PPP2R2C: variants seen among roughly 807,000 people sequenced by gnomAD.
The protein encoded by PPP2R2C is protein phosphatase 2, regulatory subunit B, gamma.
In PPP2R2C, 10 loss-of-function variants were observed where a neutral mutation model predicts 45.3. The observed-to-expected ratio is 0.22, with a 90% CI of 0.14 to 0.37. The LOEUF is 0.37. PPP2R2C is among the 10% of genes least tolerant of loss of function. PPP2R2C has a pLI of 1.00. For missense variants in PPP2R2C, 308 were observed against 619.7 expected (o/e 0.50, Z 5.34); for synonymous variants, 257 against 245.4 (o/e 1.05, Z -0.44).
intron 5 of PPP2R2C, among the ~76,000 whole-genome samples, chr4:6,371,062 C>G (rs570393466): frequency 1.8e-4 from 27 of 152,210 alleles, no homozygotes; most frequent in Non-Finnish European, 3.2e-4. Context: ...GGGTTCGGCA[C>G]ATCACACATA....
intron 1 of PPP2R2C, among the ~76,000 whole-genome samples, chr4:6,442,511 G>A (rs1001597389): frequency 6.6e-6 from 1 of 152,198 alleles, no homozygotes; most frequent in Non-Finnish European, 1.5e-5. Context: ...GATGGTTTCA[G>A]GCCCCATTTC....
At chr4:6,497,120 G>T (rs1234631061) in intron 2 of PPP2R2C, among the ~76,000 whole-genome samples, 1 of 152,120 alleles carries the variant, frequency 6.6e-6, no homozygotes, top group Non-Finnish European at 1.5e-5. Flanking sequence ...GGGAAAAGAG[G>T]GAGGAGGCAC....
intron 2 of PPP2R2C, among the ~76,000 whole-genome samples, chr4:6,502,249 C>T (rs1412253661): frequency 3.9e-5 from 6 of 152,212 alleles, no homozygotes; most frequent in Non-Finnish European, 7.3e-5. Context: ...TCAAGCCAAG[C>T]CACAACTGAG....
intron 2 of PPP2R2C, among the ~76,000 whole-genome samples, chr4:6,490,044 C>G (rs756987592): frequency 6.6e-5 from 10 of 152,196 alleles, no homozygotes; most frequent in Non-Finnish European, 1.2e-4. Flanking sequence ...CTGCACATTG[C>G]TCTCTAGTGA....
chr4:6,462,115 G>T (rs571487977), intron 1 of PPP2R2C, among the ~76,000 whole-genome samples: 1 of 152,366 alleles, frequency 6.6e-6, no homozygotes, highest in African/African-American at 2.4e-5. Context: ...GGAGGAGAGA[G>T]GGGCAGCCCC....
At chr4:6,384,504 G>A (rs1716084301) in intron 1 of PPP2R2C, 6 of 976,072 alleles carry the variant, frequency 6.1e-6, no homozygotes, top group Non-Finnish European at 7.3e-6. Context: ...TAGCTGTATT[G>A]AGGTACAATC....
intron 5 of PPP2R2C, among the ~76,000 whole-genome samples, chr4:6,367,442 G>A (rs1225539050): frequency 3.3e-5 from 5 of 151,982 alleles, no homozygotes; most frequent in African/African-American, 9.7e-5. Context: ...GGCTCTGCGC[G>A]GACACAGGCC....
intron 5 of PPP2R2C, among the ~76,000 whole-genome samples, chr4:6,369,812 C>T (rs1162574030): frequency 1.3e-5 from 2 of 152,210 alleles, no homozygotes; most frequent in East Asian, 3.9e-4. Context: ...CTTCCACTGC[C>T]ATGGCGGGGC....
rs140828080 is a variant in PPP2R2C, at chr4:6,512,973, A to AT, written c.49+22297dup. 8.3e-4 allele frequency among the ~76,000 whole-genome samples: 126 copies of AT among 152,248 alleles called. 1 individual carries two copies. The highest frequency in any genetic ancestry group is 1.6e-3 in the Admixed American group (24 of 15,302). On this transcript the variant is annotated intron_variant, in intron 2 of 9. Coordinates refer to the PPP2R2C transcript ENST00000506140. Reference sequence around the variant, plus strand: ...AGCATTAGCTGGTCCACATATCAGGATAAAAAAAAATACTTCACTGCACTT... The same window carrying AT: ...AGCATTAGCTGGTCCACATATCAGGATTAAAAAAAAATACTTCACTGCACTT...
chr4:6,426,030 T>C (rs4469149), intron 1 of PPP2R2C, among the ~76,000 whole-genome samples: 129,081 of 152,168 alleles, frequency 0.85, 55,100 homozygotes, highest in Middle Eastern at 0.91. Flanking sequence ...GCTTCCCTCA[T>C]GGCTCTGATC....
chr4:6,562,520 T>C (rs1725614105), intron 1 of PPP2R2C, among the ~76,000 whole-genome samples: 1 of 151,790 alleles, frequency 6.6e-6, no homozygotes, highest in Admixed American at 6.6e-5. Context: ...GTTTGTTATA[T>C]AAAGTGACAG....
rs143191852 is a variant in PPP2R2C at position 6,532,589 on chromosome 4, G to A, written c.49+2682C>T. Among the ~76,000 whole-genome samples the A allele has an allele frequency of 3.0e-3, 452 of 152,306 alleles. 5 individuals are homozygous for A. The highest frequency in any genetic ancestry group is 0.01 in the African/African-American group (419 of 41,560). ...CCCTTAAATGCACATTCCACTCTGC[G>A]TTTTTAAAAGGCAAAATAAAGACAC... On this transcript the variant is annotated intron_variant, in intron 2 of 9. Transcript: ENST00000506140.
chr4:6,511,739 T>C (rs983830182), intron 2 of PPP2R2C, among the ~76,000 whole-genome samples: 1 of 56,106 alleles, frequency 1.8e-5, no homozygotes, highest in South Asian at 8.6e-4. Context: ...GTGGAGGTGA[T>C]GGTGGTGATG....
intron 2 of PPP2R2C, among the ~76,000 whole-genome samples, chr4:6,502,505 C>G (rs1723092249): frequency 6.6e-6 from 1 of 151,742 alleles, no homozygotes; most frequent in African/African-American, 2.4e-5. Flanking sequence ...CTTTTTCCCT[C>G]TCTCCCTCTC....
intron 6 of PPP2R2C, 57 bp downstream of exon 6, chr4:6,347,789 T>TGCCA: frequency 9.7e-7 from 1 of 1,033,616 alleles, no homozygotes; most frequent in Non-Finnish European, 1.4e-6. Flanking sequence ...GGACAGGACA[T>TGCCA]CCCACCCGCC....
At chr4:6,511,561 G>A (rs1362412489) in intron 2 of PPP2R2C, among the ~76,000 whole-genome samples, 2 of 61,392 alleles carry the variant, frequency 3.3e-5, no homozygotes, top group Admixed American at 1.7e-4. Context: ...GGTGGTGGTG[G>A]TGGTGGTGGT....
intron 1 of PPP2R2C, among the ~76,000 whole-genome samples, chr4:6,390,245 T>G (rs1165620464): frequency 4.0e-5 from 6 of 150,844 alleles, no homozygotes; most frequent in Non-Finnish European, 8.8e-5. Flanking sequence ...GCACACACTG[T>G]GCCTGGGGGA....
chr4:6,454,646 T>A (rs1455403484), intron 1 of PPP2R2C, among the ~76,000 whole-genome samples: 2 of 152,178 alleles, frequency 1.3e-5, no homozygotes, highest in African/African-American at 2.4e-5. Flanking sequence ...AATTCCTGAC[T>A]CACAGAATCC....
At chr4:6,542,701 T>A (rs367699924) in intron 1 of PPP2R2C, among the ~76,000 whole-genome samples, 2 of 4,104 alleles carry the variant, frequency 4.9e-4, no homozygotes, top group Non-Finnish European at 3.2e-3. Context: ...AGACTCTGTC[T>A]CAAAAAAAAA....
Sources: allele counts gnomAD v4.1 joint callset (sites outside exome capture counted in the v4.1 genomes callset), GRCh38; gene constraint gnomAD v4.1.1; transcripts MANE v1.5; gene names NCBI Gene and HGNC (gene_info 2026-07-23, HGNC 2026-07-21).